Variants in REL observed in about 807,000 individuals in gnomAD.
REL encodes proto-oncogene c-Rel.
In REL, 15 loss-of-function variants were observed where a neutral mutation model predicts 45.9. The ratio of observed to expected loss-of-function variants is 0.33; its 90% CI spans 0.22 to 0.50. The LOEUF (loss-of-function observed/expected upper bound fraction) is 0.50, where lower values mean the gene tolerates loss of function less well. Among genes scored for constraint, REL ranks in the 20% least tolerant of loss-of-function variants. REL has a pLI of 0.98. For synonymous variants in REL, 239 were observed against 242.1 expected (o/e 0.99, Z 0.12); for missense variants, 601 against 715.2 (o/e 0.84, Z 1.82).
rs558180214 is a variant in REL, at chr2:60,922,026, G to T, written c.1255G>T (p.Val419Phe). 2 of 1,614,160 alleles carry T rather than the reference G, an allele frequency of 1.2e-6. No homozygotes were observed. The highest frequency in any genetic ancestry group is 2.2e-5 in the South Asian group (2 of 91,088). ...QGIPPFLRIP[V>F]GNDLNASNAC... is the part of the protein sequence containing the mutation. ...TATCCCACCATTCCTGAGAATACCT[G>T]TTGGGAATGATTTAAATGCTTCTAA... Residue 419 changes from valine (V) to phenylalanine (F), a missense_variant, in exon 10 of 10, where the codon GTT becomes TTT. By Grantham distance (50) the Val-to-Phe change is conservative. Around this residue, in one of 4 missense-constraint regions of REL, gnomAD observed 334 missense variants for 333.1 expected, o/e 1.00. Transcript: ENST00000394479.
intron 4 of REL, among the ~76,000 whole-genome samples, chr2:60,912,625 A>T (rs1247427005): frequency 6.6e-6 from 1 of 152,192 alleles, no homozygotes; most frequent in Admixed American, 6.5e-5. Context: ...AATCATTTCC[A>T]AAAGAGAGAT....
At chr2:60,895,246 T>G (rs1673320177) in intron 3 of REL, among the ~76,000 whole-genome samples, 1 of 151,734 alleles carries the variant, frequency 6.6e-6, no homozygotes, top group African/African-American at 2.4e-5. Flanking sequence ...TGCAGTGGCA[T>G]GATCTCGGCC....
chr2:60,902,778 AG>A, intron 4 of REL, among the ~76,000 whole-genome samples: 1 of 151,870 alleles, frequency 6.6e-6, no homozygotes, highest in Non-Finnish European at 1.5e-5. Flanking sequence ...TTGTAGAGAC[AG>A]GGTCTCGCCA....
rs937089107 is a variant in REL at position 60,928,402 on chromosome 2, C to G, written c.*5867C>G. On this transcript the variant is annotated 3_prime_UTR_variant, in exon 10 of 10. Coordinates refer to ENST00000394479, the MANE Select transcript of REL (RefSeq NM_001291746.2). ...GCCAAAAGAACAAAGCTGGAGGCAT[C>G]ACACTACCTGACTTCAAACTATACT... 1 of 151,716 alleles carries G rather than the reference C, an allele frequency of 6.6e-6. No homozygotes were observed. Among genetic ancestry groups the G allele is most frequent in the African/African-American group, 2.4e-5 (1 of 41,330 alleles). The allele number at this position is 151,716 out of a possible 1,614,324, so 9.4% of individuals were successfully genotyped here.
At position 60,929,708 on chromosome 2, in the gene REL, T is replaced by C. The variant is rs1204646313; in HGVS notation, c.*7173T>C. On this transcript the variant is annotated 3_prime_UTR_variant, in exon 10 of 10. Coordinates refer to ENST00000394479, the MANE Select transcript of REL (RefSeq NM_001291746.2). ...GGGGGAGGGATAGCATTGGGAGATATACCTAATGCTAGATGACGAGTTAGT... is the reference window on the plus strand; with the variant it reads ...GGGGGAGGGATAGCATTGGGAGATACACCTAATGCTAGATGACGAGTTAGT... 4.1e-5 allele frequency: 6 copies of C among 148,080 alleles called. No individual in the cohort carries two copies. Among genetic ancestry groups the C allele is most frequent in the Non-Finnish European group, 9.0e-5 (6 of 66,818 alleles). The allele number at this position is 148,080 out of a possible 1,614,324, so 9.2% of individuals were successfully genotyped here. A position where few individuals can be genotyped will look rare whatever the true frequency, so the allele number is the denominator to read the frequency against.
rs189474697 is a variant in REL, at chr2:60,886,999, G to A, written c.11-4684G>A. Among the ~76,000 whole-genome samples, 141 of 152,252 alleles carry A rather than the reference G, an allele frequency of 9.3e-4. 1 individual carries two copies. The highest frequency in any genetic ancestry group is 3.1e-3 in the African/African-American group (129 of 41,574). ...TTTGTTTAGAGTCAATTTTGGAGAC[G>A]TTTTGGTGCTTTTCAAAACTGTGGC... is the stretch of plus-strand genomic sequence containing the variant. On this transcript the variant is annotated intron_variant, in intron 1 of 9. Transcript: ENST00000394479.
chr2:60,920,444 A>T, intron 8 of REL, 130 bp from the exon 9 acceptor site: 6 of 725,834 alleles, frequency 8.3e-6, no homozygotes, highest in Non-Finnish European at 1.5e-5. Flanking sequence ...CAGGTGATCC[A>T]CCCACCTTGG....
chr2:60,902,063 T>C (rs917705054), intron 4 of REL, among the ~76,000 whole-genome samples: 1 of 152,154 alleles, frequency 6.6e-6, no homozygotes, highest in African/African-American at 2.4e-5. Flanking sequence ...GCCTCCATTC[T>C]GAAGTCTTTG....
At chr2:60,920,525 T>C (rs1430093322) in intron 8 of REL, 49 bp from the exon 9 acceptor site, 3 of 1,387,302 alleles carry the variant, frequency 2.2e-6, no homozygotes, top group Non-Finnish European at 3.1e-6. Flanking sequence ...TAACTGATAA[T>C]GTTATTTTTC....
At chr2:60,882,825 A>G (rs1034616579) in intron 1 of REL, among the ~76,000 whole-genome samples, 9 of 152,244 alleles carry the variant, frequency 5.9e-5, no homozygotes, top group African/African-American at 1.9e-4. Context: ...AATAATGAGT[A>G]GGAATGAATA....
chr2:60,929,508 C>A lies in REL; in HGVS notation c.*6973C>A, dbSNP rs1221306046. 2 of 151,398 alleles carry A rather than the reference C, an allele frequency of 1.3e-5. No homozygotes were observed. Among genetic ancestry groups the A allele is most frequent in the Non-Finnish European group, 2.9e-5 (2 of 67,906 alleles). The allele number at this position is 151,398 out of a possible 1,614,324, so 9.4% of individuals were successfully genotyped here. On this transcript the variant is annotated 3_prime_UTR_variant, in exon 10 of 10. Transcript: ENST00000394479. ...ATGCAGCCATAAAAAATGATGAATT[C>A]ATGTCCTTTGTAGGGACATGGATGA...
chr2:60,889,068 T>A (rs1004344765), intron 1 of REL, among the ~76,000 whole-genome samples: 2 of 152,202 alleles, frequency 1.3e-5, no homozygotes, highest in Non-Finnish European at 2.9e-5. Context: ...ACACATAAAA[T>A]GAAATCCACA....
intron 3 of REL, chr2:60,899,796 C>A (rs769458044): frequency 2.0e-5 from 3 of 152,286 alleles, no homozygotes; most frequent in Non-Finnish European, 4.4e-5. Context: ...ATCGTCTATG[C>A]TACACATATG....
At position 60,891,641 on chromosome 2, in the gene REL, A is replaced by G. The variant is rs1033080797; in HGVS notation, c.11-42A>G. On this transcript the variant is annotated intron_variant, in intron 1 of 9. Transcript: ENST00000394479. ...ATGTTAAAATCCATTATTAATTGCT[A>G]TATTAATCTCACTGACCTCCTCCTT... The G allele has an allele frequency of 5.4e-6, 8 of 1,474,442 alleles. No homozygotes were observed. The African/African-American group carries it at 5.7e-5, about 10-fold the overall frequency. 91.3% of individuals were successfully genotyped at this position (1,474,442 alleles called of 1,614,324 possible). A position where few individuals can be genotyped will look rare whatever the true frequency, so the allele number is the denominator to read the frequency against.
chr2:60,894,615 C>A, intron 3 of REL, 70 bp downstream of exon 3: 2 of 1,180,450 alleles, frequency 1.7e-6, no homozygotes, highest in Non-Finnish European at 2.3e-6. Context: ...TTCTCCATGA[C>A]AATCTGTTAC....
chr2:60,915,731 T>C (rs1047506611), intron 4 of REL, among the ~76,000 whole-genome samples: 1 of 152,240 alleles, frequency 6.6e-6, no homozygotes, highest in African/African-American at 2.4e-5. Context: ...TGCTATAGCT[T>C]ATGGCATTTG....
intron 4 of REL, among the ~76,000 whole-genome samples, chr2:60,912,403 C>T (rs1212385139): frequency 6.6e-6 from 1 of 152,118 alleles, no homozygotes; most frequent in Non-Finnish European, 1.5e-5. Flanking sequence ...GCCGTAGAAA[C>T]TTAACTCTTA....
rs564904572 is a variant in REL, at chr2:60,924,403, C to T, written c.*1868C>T. 13 of 213,666 alleles carry T rather than the reference C, an allele frequency of 6.1e-5. No homozygotes were observed. The Admixed American group carries it at 7.0e-4, about 12-fold the overall frequency. 13.2% of individuals were successfully genotyped at this position (213,666 alleles called of 1,614,324 possible). A position where few individuals can be genotyped will look rare whatever the true frequency, so the allele number is the denominator to read the frequency against. ...TGTTTATTGAACATTAAAAGTATTACTAATAGAACTTTGGTTTTTGAAAGA... is the reference window on the plus strand; with the variant it reads ...TGTTTATTGAACATTAAAAGTATTATTAATAGAACTTTGGTTTTTGAAAGA... On this transcript the variant is annotated 3_prime_UTR_variant, in exon 10 of 10. Coordinates refer to ENST00000394479, the MANE Select transcript of REL (RefSeq NM_001291746.2).
chr2:60,894,330 T>C, intron 2 of REL, 67 bp from the exon 3 acceptor site: 2 of 920,744 alleles, frequency 2.2e-6, no homozygotes, highest in South Asian at 3.1e-5. Context: ...AATTGAATTC[T>C]CATTTAGTAG....
Sources: gnomAD v4.1 joint callset for allele counts (sites outside exome capture counted in the v4.1 genomes callset) on GRCh38, gnomAD v4.1.1 for gene constraint, gnomAD v4.1.1 regional missense constraint, MANE v1.5 for transcripts, NCBI Gene and HGNC (gene_info 2026-07-23, HGNC 2026-07-21) for gene names.